The following RSPO3 variants were observed in gnomAD, a reference collection of about 807,000 sequenced individuals.
The protein encoded by RSPO3 is R-spondin-3.
A neutral mutation model predicts 36.5 loss-of-function variants in RSPO3; 17 were observed. The observed-to-expected ratio is 0.47, with a 90% CI of 0.32 to 0.70. The LOEUF (loss-of-function observed/expected upper bound fraction) is 0.70. Among genes scored for constraint, RSPO3 ranks in the 30% least tolerant of loss-of-function variants. The probability of loss-of-function intolerance (pLI) is 0.04; values close to 1 mark genes in which losing one functional copy is unlikely to be tolerated. For synonymous variants in RSPO3, 108 were observed against 107.0 expected (o/e 1.01, Z -0.06); for missense variants, 294 against 322.5 (o/e 0.91, Z 0.68).
chr6:127,120,527 G>A (rs573378758), intron 1 of RSPO3, among the ~76,000 whole-genome samples: 86 of 152,354 alleles, frequency 5.6e-4, no homozygotes, highest in African/African-American at 2.0e-3. Context: ...GTCCCGCCCG[G>A]GAAGCCTTTC....
At chr6:127,148,533 C>A in intron 1 of RSPO3, 115 bp from the exon 2 acceptor site, 1 of 682,870 alleles carries the variant, frequency 1.5e-6, no homozygotes, top group Non-Finnish European at 2.3e-6. Flanking sequence ...ACCTCATTCA[C>A]CCATTACCAA....
intron 4 of RSPO3, among the ~76,000 whole-genome samples, chr6:127,176,806 G>C (rs906542978): frequency 6.6e-6 from 1 of 151,782 alleles, no homozygotes; most frequent in African/African-American, 2.4e-5. Flanking sequence ...CCTGATACCT[G>C]TTGCAAAATA....
At chr6:127,136,335 C>T (rs1774155909) in intron 1 of RSPO3, among the ~76,000 whole-genome samples, 1 of 152,134 alleles carries the variant, frequency 6.6e-6, no homozygotes, top group South Asian at 2.1e-4. Context: ...TAACCTGTTG[C>T]CCTAAAGTAA....
At chr6:127,175,769 C>T (rs1411668820) in intron 4 of RSPO3, among the ~76,000 whole-genome samples, 1 of 151,562 alleles carries the variant, frequency 6.6e-6, no homozygotes, top group Non-Finnish European at 1.5e-5. Context: ...CTGGTCTCAT[C>T]CTGAAAACTA....
intron 4 of RSPO3, among the ~76,000 whole-genome samples, chr6:127,189,431 G>A (rs1371209610): frequency 6.6e-6 from 1 of 151,996 alleles, no homozygotes; most frequent in East Asian, 1.9e-4. Context: ...GGCCAGCAAA[G>A]TAGATAAGTA....
At chr6:127,122,702 A>C (rs1344327217) in intron 1 of RSPO3, among the ~76,000 whole-genome samples, 1 of 152,232 alleles carries the variant, frequency 6.6e-6, no homozygotes, top group African/African-American at 2.4e-5. Context: ...TCATTTATTC[A>C]ATAGGTTTAG....
chr6:127,176,996 G>A (rs1232898279), intron 4 of RSPO3, among the ~76,000 whole-genome samples: 3 of 151,610 alleles, frequency 2.0e-5, no homozygotes, highest in East Asian at 2.0e-4. Context: ...GAACTTGGTC[G>A]TTCCTTATTG....
chr6:127,155,502 A>G (rs879691852), intron 4 of RSPO3, 64 bp downstream of exon 4: 38 of 1,442,748 alleles, frequency 2.6e-5, no homozygotes, highest in Non-Finnish European at 3.6e-5. Context: ...TTTTCATTTT[A>G]TTTCTTATGA....
At chr6:127,145,275 A>G (rs968385663) in intron 1 of RSPO3, among the ~76,000 whole-genome samples, 22 of 152,040 alleles carry the variant, frequency 1.4e-4, no homozygotes, top group Non-Finnish European at 4.4e-5. Flanking sequence ...TGAAACATGC[A>G]TCCCTTCCTC....
In RSPO3 at chr6:127,198,454, A is replaced by C. The variant is rs1249734297; in HGVS notation, c.*2447A>C. Among the ~76,000 whole-genome samples, 1 of 152,198 alleles carries C rather than the reference A, an allele frequency of 6.6e-6. No homozygotes were observed. The highest frequency in any genetic ancestry group is 1.5e-5 in the Non-Finnish European group (1 of 68,036). ...AGCAAAAACTCTATCAACCTCTGGTAAAGTTCCTACACTAGTCACAGAAGG... is the reference window on the plus strand; with the variant it reads ...AGCAAAAACTCTATCAACCTCTGGTCAAGTTCCTACACTAGTCACAGAAGG... On this transcript the variant is annotated 3_prime_UTR_variant, in exon 5 of 5. Transcript: ENST00000356698.
chr6:127,161,320 C>T (rs1302590821), intron 4 of RSPO3, among the ~76,000 whole-genome samples: 1 of 152,100 alleles, frequency 6.6e-6, no homozygotes, highest in Admixed American at 6.6e-5. Context: ...TTGCCTCTAA[C>T]ACATTTTACA....
At chr6:127,171,297 G>A (rs1476021526) in intron 4 of RSPO3, among the ~76,000 whole-genome samples, 2 of 151,616 alleles carry the variant, frequency 1.3e-5, no homozygotes, top group Non-Finnish European at 3.0e-5. Flanking sequence ...ATATATCAGT[G>A]TGCTCCCCAA....
At chr6:127,129,729 C>A (rs1470679753) in intron 1 of RSPO3, among the ~76,000 whole-genome samples, 1 of 152,032 alleles carries the variant, frequency 6.6e-6, no homozygotes, top group East Asian at 1.9e-4. Flanking sequence ...ATGTCACTAT[C>A]CTCATAAACC....
chr6:127,162,856 A>G (rs1317455450), intron 4 of RSPO3, among the ~76,000 whole-genome samples: 1 of 152,164 alleles, frequency 6.6e-6, no homozygotes, highest in Non-Finnish European at 1.5e-5. Flanking sequence ...TGCTGGCAAA[A>G]ATGAAACTTC....
intron 4 of RSPO3, among the ~76,000 whole-genome samples, chr6:127,189,798 G>T (rs1055945127): frequency 6.6e-6 from 1 of 152,012 alleles, no homozygotes; most frequent in African/African-American, 2.4e-5. Flanking sequence ...AATAGAAAAG[G>T]CAATAGAATT....
intron 1 of RSPO3, among the ~76,000 whole-genome samples, chr6:127,142,412 T>A (rs942970011): frequency 6.6e-6 from 1 of 152,204 alleles, no homozygotes; most frequent in Non-Finnish European, 1.5e-5. Context: ...TAGACTTTTC[T>A]TAAAGTGATC....
chr6:127,144,737 C>T (rs954075408), intron 1 of RSPO3, among the ~76,000 whole-genome samples: 5 of 146,502 alleles, frequency 3.4e-5, no homozygotes, highest in African/African-American at 1.3e-4. Flanking sequence ...CTCCCAGGCT[C>T]AAGCAGTTAC....
At chr6:127,137,545 G>A (rs895332631) in intron 1 of RSPO3, among the ~76,000 whole-genome samples, 6 of 152,216 alleles carry the variant, frequency 3.9e-5, no homozygotes, top group Admixed American at 2.0e-4. Flanking sequence ...TGATTCTATT[G>A]GCTGGAAGCT....
chr6:127,146,689 G>A (rs1234806301), intron 1 of RSPO3, among the ~76,000 whole-genome samples: 2 of 152,058 alleles, frequency 1.3e-5, no homozygotes, highest in Non-Finnish European at 2.9e-5. Flanking sequence ...GGACCAATAT[G>A]GTCCATCTTT....
Sources: allele counts gnomAD v4.1 joint callset (sites outside exome capture counted in the v4.1 genomes callset), GRCh38; gene constraint gnomAD v4.1.1; transcripts MANE v1.5; gene names NCBI Gene and HGNC (gene_info 2026-07-23, HGNC 2026-07-21).